Variants in CD163 observed in about 807,000 individuals in gnomAD.
The protein encoded by CD163 is CD163 molecule.
A neutral mutation model predicts 129.2 loss-of-function variants in CD163; 64 were observed. The ratio of observed to expected loss-of-function variants is 0.50; its 90% CI spans 0.41 to 0.61. CD163 has a LOEUF of 0.61. CD163 is among the 20% of genes least tolerant of loss of function. CD163 has a pLI of 0.00. For synonymous variants in CD163, 446 were observed against 478.5 expected, an observed-to-expected ratio of 0.93 and a Z score of 0.89; for missense variants, 1,061 against 1,377.9, an observed-to-expected ratio of 0.77 and a Z score of 3.64.
Position 7,487,209 on chromosome 12 carries a change from A to C in CD163, c.2050+150T>G, listed in dbSNP as rs999187032. 1.1e-4 allele frequency: 113 copies of C among 1,028,868 alleles called. No individual in the cohort carries two copies. The highest frequency in any genetic ancestry group is 1.5e-4 in the Admixed American group (5 of 33,966). The allele number at this position is 1,028,868 out of a possible 1,614,324, so 63.7% of individuals were successfully genotyped here. A position where few individuals can be genotyped will look rare whatever the true frequency, so the allele number is the denominator to read the frequency against. On this transcript the variant is annotated intron_variant, in intron 8 of 16. Coordinates refer to ENST00000432237, the MANE Select transcript of CD163 (RefSeq NM_203416.4). This position sits in a 1 kb window ranked among gnomAD's most constrained non-coding sequence, Gnocchi z 5.1. ...AAATTAGGTTTGCTCACCCTCTGAA[A>C]AGACAAATGAGGTTAATATTCTGAA...
intron 6 of CD163, among the ~76,000 whole-genome samples, chr12:7,489,222 G>A (rs926183731): frequency 1.4e-4 from 21 of 152,004 alleles, no homozygotes; most frequent in African/African-American, 5.1e-4. Flanking sequence ...ATATCTGTTG[G>A]TCCTCCAGCA....
Position 7,475,097 on chromosome 12 carries a change from C to CAAAAAAAAAA in CD163, c.*32-3710_*32-3701dup. Among the ~76,000 whole-genome samples, 5 of 94,008 alleles carry CAAAAAAAAAA rather than the reference C, an allele frequency of 5.3e-5. 1 individual carries two copies. Among genetic ancestry groups the CAAAAAAAAAA allele is most frequent in the Non-Finnish European group, 7.9e-5 (4 of 50,848 alleles). 61.7% of individuals were successfully genotyped at this position (94,008 alleles called of 152,430 possible). On this transcript the variant is annotated intron_variant, in intron 16 of 16. Coordinates refer to ENST00000432237, the MANE Select transcript of CD163 (RefSeq NM_203416.4). Reference sequence around the variant, plus strand: ...AGGCAGTAAGTAATAGCCTACCAACCAAAAAAAAAAAAAAAAAAAAACCAT... The same window carrying CAAAAAAAAAA: ...AGGCAGTAAGTAATAGCCTACCAACCAAAAAAAAAAAAAAAAAAAAAAAAAAAAAAACCAT...
chr12:7,497,202 T>C (rs1259986165), intron 4 of CD163, 69 bp from the exon 5 acceptor site: 4 of 1,268,478 alleles, frequency 3.2e-6, no homozygotes, highest in Non-Finnish European at 4.5e-6. Context: ...TAGCTATACC[T>C]GAGATGAGTT....
In CD163 at chr12:7,483,442, A is replaced by G. The variant is rs200469785; in HGVS notation, c.3013T>C (p.Leu1005=). Residue 1005 remains leucine (L), a synonymous_variant, in exon 12 of 17, where the codon TTG becomes CTG. Coordinates refer to ENST00000432237, the MANE Select transcript of CD163 (RefSeq NM_203416.4). The stretch of plus-strand genomic sequence containing the variant: ...CAGCGTCTGGCAGGACAATCCCACA[A>G]GGAAGACTCATTCCCTTTGCACTTC... ...EVKCKGNESS[L]WDCPARRWGH... 24 of 1,614,102 alleles carry G rather than the reference A, an allele frequency of 1.5e-5. No homozygotes were observed. In the East Asian group the frequency reaches 4.9e-4, roughly 33 times the overall value.
At position 7,496,820 on chromosome 12, in the gene CD163, T is replaced by C; in HGVS notation, c.1092A>G (p.Thr364=). 6.2e-7 allele frequency: 1 copy of C among 1,614,036 alleles called. No individual in the cohort carries two copies. The highest frequency in any genetic ancestry group is 8.5e-7 in the Non-Finnish European group (1 of 1,179,904). ...GGTTTGGTTTTAACTTACCAGAACA[T>C]GTCACGCCAGCATCTTCATTGTGAT... The part of the protein sequence containing the change: ...YCNHNEDAGV[T]CSDGSDLELR... Residue 364 remains threonine (T), a synonymous_variant, in exon 5 of 17, where the codon ACA becomes ACG. Transcript: ENST00000432237. The surrounding 1 kb of genome is among the most constrained non-coding windows in gnomAD (Gnocchi z 4.8).
intron 16 of CD163, among the ~76,000 whole-genome samples, chr12:7,473,808 G>A (rs960550952): frequency 8.6e-5 from 13 of 151,902 alleles, no homozygotes; most frequent in African/African-American, 2.4e-4. Flanking sequence ...AAGATCCATC[G>A]GCGTGCTGTA....
At position 7,501,374 on chromosome 12, in the gene CD163, C is replaced by T. The variant is rs151182771; in HGVS notation, c.222G>A (p.Thr74=). 1.4e-3 allele frequency: 2,207 copies of T among 1,614,034 alleles called. 34 individuals carry two copies. In the African/African-American group the frequency reaches 0.026, roughly 19 times the overall value. ...CCATGCTCCAGCCATTATTACACACCGTTCCCCACTCCTCCTGGACTTTCA... is the reference window on the plus strand; with the variant it reads ...CCATGCTCCAGCCATTATTACACACTGTTCCCCACTCCTCCTGGACTTTCA... ...VEVKVQEEWG[T]VCNNGWSMEA... Residue 74 remains threonine (T), a synonymous_variant, in exon 3 of 17, where the codon ACG becomes ACA. Coordinates refer to ENST00000432237, the MANE Select transcript of CD163 (RefSeq NM_203416.4).
intron 12 of CD163, 128 bp from the exon 13 acceptor site, chr12:7,483,132 A>G (rs1949186908): frequency 2.1e-6 from 2 of 955,458 alleles, no homozygotes; most frequent in Admixed American, 4.6e-5. Context: ...CTAAAACTAG[A>G]GTCCTCTAGT....
chr12:7,503,726 T>A lies in CD163; in HGVS notation c.-36A>T. ...TATAACTTCAATGATTCCTAAATCTTCTTGTATTATTCCCTAGAAATGTTC... is the reference window on the plus strand; with the variant it reads ...TATAACTTCAATGATTCCTAAATCTACTTGTATTATTCCCTAGAAATGTTC... On this transcript the variant is annotated 5_prime_UTR_variant, in exon 1 of 17. Coordinates refer to ENST00000432237, the MANE Select transcript of CD163 (RefSeq NM_203416.4). 2 of 1,289,246 alleles carry A rather than the reference T, an allele frequency of 1.6e-6. No individual in the cohort carries two copies. Among genetic ancestry groups the A allele is most frequent in the Non-Finnish European group, 1.1e-6 (1 of 897,972 alleles). The allele number at this position is 1,289,246 out of a possible 1,614,324, so 79.9% of individuals were successfully genotyped here. A position where few individuals can be genotyped will look rare whatever the true frequency, so the allele number is the denominator to read the frequency against.
intron 16 of CD163, among the ~76,000 whole-genome samples, chr12:7,473,379 C>T (rs759239186): frequency 1.3e-5 from 2 of 152,112 alleles, no homozygotes; most frequent in African/African-American, 2.4e-5. Context: ...AGAACTTTCT[C>T]CAGACACCAT....
At chr12:7,494,902 T>G (rs1223237335) in intron 6 of CD163, among the ~76,000 whole-genome samples, 179 bp downstream of exon 6, 2 of 152,208 alleles carry the variant, frequency 1.3e-5, no homozygotes, top group Admixed American at 6.5e-5. Context: ...ACCCAAACAC[T>G]TCTATCTAAA....
Position 7,485,003 on chromosome 12 carries a change from G to T in CD163, c.2779+93C>A. Reference sequence around the variant, plus strand: ...ATTCAATCTAACAATTTAAGCCAGTGTGAGAATAGGAAAATAAAATCCAGT... The same window carrying T: ...ATTCAATCTAACAATTTAAGCCAGTTTGAGAATAGGAAAATAAAATCCAGT... On this transcript the variant is annotated intron_variant, in intron 11 of 16. Coordinates refer to ENST00000432237, the MANE Select transcript of CD163 (RefSeq NM_203416.4). The surrounding 1 kb of genome is among the most constrained non-coding windows in gnomAD (Gnocchi z 4.5). 8.7e-7 allele frequency: 1 copy of T among 1,145,522 alleles called. No individual in the cohort carries two copies. The highest frequency in any genetic ancestry group is 1.2e-6 in the Non-Finnish European group (1 of 806,606). The allele number at this position is 1,145,522 out of a possible 1,614,324, so 71.0% of individuals were successfully genotyped here. A position where few individuals can be genotyped will look rare whatever the true frequency, so the allele number is the denominator to read the frequency against.
chr12:7,488,163 G>A, intron 6 of CD163, 76 bp from the exon 7 acceptor site: 1 of 1,427,628 alleles, frequency 7.0e-7, no homozygotes, highest in Non-Finnish European at 9.4e-7. Context: ...TGAAGAAGGT[G>A]GTGTGGAGTG....
At position 7,488,075 on chromosome 12, in the gene CD163, G is replaced by C; in HGVS notation, c.1433C>G (p.Pro478Arg). 1 of 1,610,280 alleles carries C rather than the reference G, an allele frequency of 6.2e-7. No individual in the cohort carries two copies. Among genetic ancestry groups the C allele is most frequent in the Non-Finnish European group, 8.5e-7 (1 of 1,178,514 alleles). ...GGGAATGTCCCCTCCAACCAGTCTG[G>C]GTTCCCTGTGGGCTGAAAAATAAAT... ...AKITCSAHRE[P>R]RLVGGDIPCS... The change falls in exon 7 of 17, where the codon CCC becomes CGC. Residue 478 changes from proline (P) to arginine (R), a missense_variant. Transcript: ENST00000432237.
intron 1 of CD163, among the ~76,000 whole-genome samples, 188 bp downstream of exon 1, chr12:7,503,455 ACT>A (rs1290522941): frequency 6.6e-6 from 1 of 152,146 alleles, no homozygotes; most frequent in African/African-American, 2.4e-5. Context: ...ATTAATGCCG[ACT>A]CTGATTCCCA....
rs933859395 is a variant in CD163 at position 7,487,050 on chromosome 12, T to C, written c.2051-64A>G. ...AGGTTAGGGGAGTCAGATGAAATGT[T>C]ATATGGATGAGTTGAGGACAAACAT... is the stretch of plus-strand genomic sequence containing the variant. On this transcript the variant is annotated intron_variant, in intron 8 of 16. Coordinates refer to ENST00000432237, the MANE Select transcript of CD163 (RefSeq NM_203416.4). This position sits in a 1 kb window ranked among gnomAD's most constrained non-coding sequence, Gnocchi z 5.1. 6 of 1,271,622 alleles carry C rather than the reference T, an allele frequency of 4.7e-6. No homozygotes were observed. Among genetic ancestry groups the C allele is most frequent in the Non-Finnish European group, 6.8e-6 (6 of 879,766 alleles). 78.8% of individuals were successfully genotyped at this position (1,271,622 alleles called of 1,614,324 possible).
At chr12:7,474,636 A>G (rs1458332364) in intron 16 of CD163, among the ~76,000 whole-genome samples, 1 of 152,194 alleles carries the variant, frequency 6.6e-6, no homozygotes, top group Non-Finnish European at 1.5e-5. Flanking sequence ...AAATATTTAG[A>G]ATCAACACCC....
At position 7,496,045 on chromosome 12, in the gene CD163, A is replaced by C. The variant is rs1385523122; in HGVS notation, c.1100-644T>G. On this transcript the variant is annotated intron_variant, in intron 5 of 16. Transcript: ENST00000432237. The surrounding 1 kb of genome is among the most constrained non-coding windows in gnomAD (Gnocchi z 4.8). Reference sequence around the variant, plus strand: ...GCACATGTATGTTTATTGCAGCACTATCTACAATAACAAAGACTTGGAACC... The same window carrying C: ...GCACATGTATGTTTATTGCAGCACTCTCTACAATAACAAAGACTTGGAACC... Among the ~76,000 whole-genome samples the C allele has an allele frequency of 1.3e-5, 2 of 152,226 alleles. No individual in the cohort carries two copies. The highest frequency in any genetic ancestry group is 3.9e-4 in the East Asian group (2 of 5,194).
In CD163 at chr12:7,501,291, C is replaced by T; in HGVS notation, c.305G>A (p.Gly102Glu). The T allele has an allele frequency of 6.2e-7, 1 of 1,614,200 alleles. No individual in the cohort carries two copies. The highest frequency in any genetic ancestry group is 2.2e-5 in the East Asian group (1 of 44,884). ...LGCPTAIKAP[G>E]WANSSAGSGR... The stretch of plus-strand genomic sequence containing the variant: ...AGAACCTGCACTGGAATTAGCCCAT[C>T]CAGGGGCTTTGATAGCAGTTGGACA... The change falls in exon 3 of 17, where the codon GGA becomes GAA. Residue 102 changes from glycine (G) to glutamate (E), a missense_variant. Coordinates refer to ENST00000432237, the MANE Select transcript of CD163 (RefSeq NM_203416.4).
Sources: gnomAD v4.1 joint callset for allele counts (sites outside exome capture counted in the v4.1 genomes callset) on GRCh38, gnomAD v4.1.1 for gene constraint, Gnocchi (gnomAD v3.1) non-coding constraint, MANE v1.5 for transcripts, NCBI Gene and HGNC (gene_info 2026-07-23, HGNC 2026-07-21) for gene names.